The following PDZRN4 variants were observed in gnomAD, a reference collection of about 807,000 sequenced individuals.
PDZRN4 encodes PDZ domain-containing RING finger protein 4.
Under a neutral mutation model 99.0 loss-of-function variants are expected in PDZRN4, and 70 were observed. The observed-to-expected ratio is 0.71, with a 90% CI of 0.58 to 0.86. The LOEUF (loss-of-function observed/expected upper bound fraction) is 0.86, where lower values mean the gene tolerates loss of function less well. PDZRN4 is among the 40% of genes least tolerant of loss of function. The probability of loss-of-function intolerance (pLI) is 0.00; values close to 1 mark genes in which losing one functional copy is unlikely to be tolerated. For missense variants in PDZRN4, 1,474 were observed against 1,331.2 expected, an observed-to-expected ratio of 1.11 and a Z score of -1.67; for synonymous variants, 551 against 501.6, an observed-to-expected ratio of 1.10 and a Z score of -1.32.
At chr12:41,269,442 C>T (rs997942538) in intron 3 of PDZRN4, among the ~76,000 whole-genome samples, 2 of 152,092 alleles carry the variant, frequency 1.3e-5, no homozygotes, top group African/African-American at 4.8e-5. Flanking sequence ...CCAACAGAAC[C>T]TTGTTACCAC....
At chr12:41,565,649 T>C (rs1939356283) in intron 8 of PDZRN4, among the ~76,000 whole-genome samples, 1 of 152,130 alleles carries the variant, frequency 6.6e-6, no homozygotes, top group Non-Finnish European at 1.5e-5. Flanking sequence ...ACAGAGTTGC[T>C]GGGGGCAGTA....
At chr12:41,329,844 A>G (rs1012430278) in intron 3 of PDZRN4, among the ~76,000 whole-genome samples, 6 of 152,098 alleles carry the variant, frequency 3.9e-5, no homozygotes, top group African/African-American at 7.2e-5. Flanking sequence ...GTAAACCATC[A>G]TTCAAGCCAA....
At chr12:41,452,054 G>A (rs1040528209) in intron 3 of PDZRN4, among the ~76,000 whole-genome samples, 3 of 151,836 alleles carry the variant, frequency 2.0e-5, no homozygotes, top group Non-Finnish European at 4.4e-5. Context: ...TTTCATATAG[G>A]GTTGGTTTCA....
chr12:41,489,773 C>T (rs1937848637), intron 3 of PDZRN4, among the ~76,000 whole-genome samples: 1 of 151,622 alleles, frequency 6.6e-6, no homozygotes, highest in Non-Finnish European at 1.5e-5. Context: ...ACCAATTAGC[C>T]ATAACCTGCA....
intron 5 of PDZRN4, among the ~76,000 whole-genome samples, chr12:41,518,421 T>C (rs1389888452): frequency 6.6e-6 from 1 of 152,012 alleles, no homozygotes; most frequent in East Asian, 1.9e-4. Flanking sequence ...TTTTTGGGGG[T>C]TTCAGCAATT....
intron 3 of PDZRN4, among the ~76,000 whole-genome samples, chr12:41,385,163 T>C (rs973441213): frequency 2.0e-5 from 3 of 152,134 alleles, no homozygotes; most frequent in African/African-American, 7.2e-5. Context: ...TAGTAGAATA[T>C]GATAAGTACC....
intron 5 of PDZRN4, among the ~76,000 whole-genome samples, chr12:41,547,835 G>T (rs1177838411): frequency 1.3e-5 from 2 of 152,066 alleles, no homozygotes; most frequent in Non-Finnish European, 2.9e-5. Context: ...CACCAAATAG[G>T]TCATTGATGA....
intron 5 of PDZRN4, among the ~76,000 whole-genome samples, chr12:41,535,430 G>A (rs1938732238): frequency 1.3e-5 from 2 of 152,190 alleles, no homozygotes; most frequent in South Asian, 2.1e-4. Context: ...ACAAGTTAGT[G>A]TGAATTTGAA....
intron 3 of PDZRN4, among the ~76,000 whole-genome samples, chr12:41,198,109 G>A (rs1950790023): frequency 1.3e-5 from 2 of 151,524 alleles, no homozygotes; most frequent in Non-Finnish European, 2.9e-5. Flanking sequence ...GTAGAGATGG[G>A]GTTTCACCAT....
chr12:41,188,763 A>C lies in PDZRN4; in HGVS notation c.308A>C (p.His103Pro), dbSNP rs760877122. ...CACGAGCTGGAGGCGCACGTCGAGCACTGCGACTTCGGCCCTGCCCGCCGG... is the reference window on the plus strand; with the variant it reads ...CACGAGCTGGAGGCGCACGTCGAGCCCTGCGACTTCGGCCCTGCCCGCCGG... ...RLHELEAHVE[H>P]CDFGPARRLR... Residue 103 changes from histidine (H) to proline (P), a missense_variant, in exon 1 of 10, where the codon CAC becomes CCC. Transcript: ENST00000402685. 1 of 1,449,992 alleles carries C rather than the reference A, an allele frequency of 6.9e-7. No individual in the cohort carries two copies. The highest frequency in any genetic ancestry group is 1.4e-5 in the South Asian group (1 of 70,236). 89.8% of individuals were successfully genotyped at this position (1,449,992 alleles called of 1,614,324 possible).
intron 3 of PDZRN4, among the ~76,000 whole-genome samples, chr12:41,337,665 G>A (rs1354193347): frequency 1.3e-5 from 2 of 152,064 alleles, no homozygotes; most frequent in Non-Finnish European, 2.9e-5. Flanking sequence ...TATAATCCCT[G>A]CTAGTCTTTG....
chr12:41,380,259 G>A (rs911591608), intron 3 of PDZRN4, among the ~76,000 whole-genome samples: 41 of 152,002 alleles, frequency 2.7e-4, no homozygotes, highest in African/African-American at 7.9e-4. Flanking sequence ...TCTTTTGTGG[G>A]CATCATGGTT....
chr12:41,457,944 T>G (rs546229179), intron 3 of PDZRN4, among the ~76,000 whole-genome samples: 1 of 152,108 alleles, frequency 6.6e-6, no homozygotes, highest in Non-Finnish European at 1.5e-5. Context: ...AGGCAAATCA[T>G]TATATAGTGA....
At chr12:41,255,758 C>G (rs1951201360) in intron 3 of PDZRN4, among the ~76,000 whole-genome samples, 1 of 152,128 alleles carries the variant, frequency 6.6e-6, no homozygotes, top group Admixed American at 6.5e-5. Context: ...CCTCAGGAAG[C>G]TTTTACTCAT....
At chr12:41,395,759 T>C (rs1952241752) in intron 3 of PDZRN4, among the ~76,000 whole-genome samples, 1 of 152,280 alleles carries the variant, frequency 6.6e-6, no homozygotes, top group South Asian at 2.1e-4. Flanking sequence ...AGAAGTTTTA[T>C]TGTTTATTTG....
chr12:41,402,835 C>A (rs752217913), intron 3 of PDZRN4, among the ~76,000 whole-genome samples: 1 of 151,546 alleles, frequency 6.6e-6, no homozygotes, highest in South Asian at 2.1e-4. Flanking sequence ...TTGAGGGCAG[C>A]GTCAGCGTCT....
intron 3 of PDZRN4, among the ~76,000 whole-genome samples, chr12:41,234,525 A>G (rs1489223499): frequency 1.3e-5 from 2 of 152,132 alleles, no homozygotes; most frequent in Non-Finnish European, 2.9e-5. Context: ...ACTGATAGAG[A>G]TATCTAACTA....
At chr12:41,564,589 GAAT>G (rs2120838562) in intron 8 of PDZRN4, among the ~76,000 whole-genome samples, 1 of 152,236 alleles carries the variant, frequency 6.6e-6, no homozygotes, top group South Asian at 2.1e-4. Context: ...ATCCTGACTT[GAAT>G]ATAGTGGTTA....
intron 3 of PDZRN4, among the ~76,000 whole-genome samples, chr12:41,338,854 C>T (rs1359047335): frequency 6.6e-6 from 1 of 151,646 alleles, no homozygotes; most frequent in Admixed American, 6.6e-5. Context: ...AGGAAATATC[C>T]AGGATTAAAC....
Sources: allele counts gnomAD v4.1 joint callset (sites outside exome capture counted in the v4.1 genomes callset), GRCh38; gene constraint gnomAD v4.1.1; transcripts MANE v1.5; gene names NCBI Gene and HGNC (gene_info 2026-07-23, HGNC 2026-07-21).